APC: variants seen among roughly 807,000 people sequenced by gnomAD.
The protein encoded by APC is adenomatous polyposis coli protein.
APC carries 72 observed loss-of-function variants against 247.0 expected under a neutral mutation model. The observed-to-expected ratio is 0.29, with a 90% CI of 0.24 to 0.35. The LOEUF is 0.35. APC is among the 10% of genes least tolerant of loss of function. APC has a pLI of 1.00. For missense variants in APC, 3,400 were observed against 3,360.7 expected (o/e 1.01, Z -0.29); for synonymous variants, 1,254 against 1,162.5 (o/e 1.08, Z -1.60).
intron 3 of APC, among the ~76,000 whole-genome samples, chr5:112,766,658 T>C (rs957886146): frequency 3.3e-5 from 5 of 152,206 alleles, no homozygotes; most frequent in African/African-American, 1.2e-4. Flanking sequence ...TAAATAATTT[T>C]CGGCTCTTTG....
chr5:112,837,875 G>C lies in APC; in HGVS notation c.2281G>C (p.Glu761Gln), dbSNP rs1580620124. Reference protein sequence around the residue: ...SLHVRKQKALEAELDAQHLSE... With the variant: ...SLHVRKQKALQAELDAQHLSE... ...TCATGTTAGGAAACAAAAAGCCCTA[G>C]AAGCAGAATTAGATGCTCAGCACTT... The change falls in exon 16 of 16, where the codon GAA (glutamate) becomes CAA (glutamine). Residue 761 changes from glutamate (E) to glutamine (Q), a missense_variant. Physicochemically the swap from Glu to Gln is conservative, Grantham distance 29 (BLOSUM62 2). This residue lies in a region of APC where 91 missense variants were observed against 103.3 expected (regional missense o/e 0.88). Transcript: ENST00000257430. The C allele has an allele frequency of 6.2e-7, 1 of 1,614,050 alleles. No individual in the cohort carries two copies. The highest frequency in any genetic ancestry group is 8.5e-7 in the Non-Finnish European group (1 of 1,180,030).
At chr5:112,756,578 C>T (rs1755012326) in intron 2 of APC, among the ~76,000 whole-genome samples, 1 of 152,166 alleles carries the variant, frequency 6.6e-6, no homozygotes, top group Admixed American at 6.6e-5. Flanking sequence ...GAGAACTCCT[C>T]CTGGCAGGCC....
At chr5:112,710,595 T>C (rs1488608044) in intron 1 of APC, among the ~76,000 whole-genome samples, 1 of 152,228 alleles carries the variant, frequency 6.6e-6, no homozygotes, top group Non-Finnish European at 1.5e-5. Context: ...TAAGTGTGTG[T>C]GCTGTTCAAC....
chr5:112,815,757 A>G (rs1762447497), intron 9 of APC, among the ~76,000 whole-genome samples, 164 bp downstream of exon 9: 1 of 152,112 alleles, frequency 6.6e-6, no homozygotes, highest in Non-Finnish European at 1.5e-5. Context: ...GCAACGTGGC[A>G]AAACCCCATC....
chr5:112,790,210 A>T (rs950679534), intron 6 of APC, among the ~76,000 whole-genome samples: 1 of 151,786 alleles, frequency 6.6e-6, no homozygotes, highest in African/African-American at 2.4e-5. Context: ...CATGATAGAG[A>T]CTCAGCTTAG....
At position 112,827,190 on chromosome 5, in the gene APC, A is replaced by G. The variant is rs201992951; in HGVS notation, c.1491A>G (p.Leu497=). The change falls in exon 12 of 16, where the codon CTA becomes CTG. Residue 497 remains leucine, a synonymous_variant. Coordinates refer to ENST00000257430, the MANE Select transcript of APC (RefSeq NM_000038.6). ...CTAATGACCACTACAGTATTACACT[A>G]AGACGATATGCTGGAATGGCTTTGA... ...GLTNDHYSIT[L]RRYAGMALTN... The G allele has an allele frequency of 1.9e-6, 3 of 1,613,950 alleles. No homozygotes were observed. The highest frequency in any genetic ancestry group is 3.3e-4 in the Middle Eastern group (2 of 6,058).
chr5:112,796,281 T>A (rs1760204750), intron 7 of APC, among the ~76,000 whole-genome samples: 1 of 152,138 alleles, frequency 6.6e-6, no homozygotes, highest in African/African-American at 2.4e-5. Flanking sequence ...GAACTAGCCA[T>A]TGAAGCAGGT....
chr5:112,831,112 A>C (rs953912781), intron 14 of APC, among the ~76,000 whole-genome samples: 9 of 151,362 alleles, frequency 5.9e-5, no homozygotes, highest in Non-Finnish European at 7.4e-5. Context: ...CTCTTCTATA[A>C]ATTTTTTTTT....
chr5:112,721,972 C>G (rs565042543), intron 1 of APC, among the ~76,000 whole-genome samples: 50 of 152,176 alleles, frequency 3.3e-4, no homozygotes, highest in Admixed American at 4.6e-4. Flanking sequence ...GCCATGCAGC[C>G]CTGGGGACAA....
In APC at chr5:112,838,272, A is replaced by T. The variant is rs1554084370; in HGVS notation, c.2678A>T (p.Glu893Val). 1 of 1,614,232 alleles carries T rather than the reference A, an allele frequency of 6.2e-7. No individual in the cohort carries two copies. The highest frequency in any genetic ancestry group is 8.5e-7 in the Non-Finnish European group (1 of 1,180,042). Residue 893 changes from glutamate (E) to valine (V), a missense_variant, in exon 16 of 16, where the codon GAA becomes GTA. Physicochemically the swap from Glu to Val is moderately radical, Grantham distance 121. This residue lies in a region of APC where 715 missense variants were observed against 656.6 expected (regional missense o/e 1.09). Transcript: ENST00000257430. ...TAAQIAKVME[E>V]VSAIHTSQED... is the part of the protein sequence containing the mutation. ...GCCCAGATTGCCAAAGTCATGGAAG[A>T]AGTGTCAGCCATTCATACCTCTCAG...
Position 112,844,760 on chromosome 5 carries a change from C to T in APC, c.*634C>T, listed in dbSNP as rs75495374. ...GTAATAATTTACACTATTTTGTGCT[C>T]CAAACAAAACAAAAATCTGTGTAAC... On this transcript the variant is annotated 3_prime_UTR_variant, in exon 16 of 16. Coordinates refer to ENST00000257430, the MANE Select transcript of APC (RefSeq NM_000038.6). 7.8e-5 allele frequency: 18 copies of T among 231,630 alleles called. No homozygotes were observed. The highest frequency in any genetic ancestry group is 4.0e-4 in the African/African-American group (18 of 45,244). 14.3% of individuals were successfully genotyped at this position (231,630 alleles called of 1,614,324 possible).
At chr5:112,762,431 GC>G (rs1239272970) in intron 2 of APC, among the ~76,000 whole-genome samples, 1 of 152,184 alleles carries the variant, frequency 6.6e-6, no homozygotes, top group African/African-American at 2.4e-5. Flanking sequence ...ACTGGTAACA[GC>G]CCAGATGCCC....
chr5:112,720,080 G>A (rs1439254813), intron 1 of APC, among the ~76,000 whole-genome samples: 1 of 152,136 alleles, frequency 6.6e-6, no homozygotes, highest in African/African-American at 2.4e-5. Flanking sequence ...AGCTATGGTA[G>A]TCTACATAAA....
At chr5:112,793,745 A>G (rs1196075239) in intron 7 of APC, among the ~76,000 whole-genome samples, 1 of 152,156 alleles carries the variant, frequency 6.6e-6, no homozygotes, top group Non-Finnish European at 1.5e-5. Flanking sequence ...ATAAATCAAA[A>G]TTTCTCAGAA....
intron 8 of APC, among the ~76,000 whole-genome samples, chr5:112,804,571 G>A (rs1420844058): frequency 1.3e-5 from 2 of 152,078 alleles, no homozygotes; most frequent in African/African-American, 4.8e-5. Context: ...GTAGATACAG[G>A]GTCTCATTGT....
chr5:112,791,610 A>C (rs1759602547), intron 6 of APC, among the ~76,000 whole-genome samples: 1 of 152,174 alleles, frequency 6.6e-6, no homozygotes, highest in Admixed American at 6.5e-5. Flanking sequence ...CCCCTGCCCC[A>C]GTCAGTAGAC....
In APC at chr5:112,823,854, G is replaced by A. The variant is rs539043572; in HGVS notation, c.1408+1863G>A. ...TCACCCAGAGGCACTCGTCAAACTG[G>A]ATTTTCTGGCACTGTAGCAAACAGA... On this transcript the variant is annotated intron_variant, in intron 11 of 15. Coordinates refer to ENST00000257430, the MANE Select transcript of APC (RefSeq NM_000038.6). 1.7e-3 allele frequency among the ~76,000 whole-genome samples: 261 copies of A among 152,224 alleles called. 1 individual carries two copies. Among genetic ancestry groups the A allele is most frequent in the Middle Eastern group, 3.4e-3 (1 of 294 alleles).
Position 112,766,624 on chromosome 5 carries a change from A to T in APC, c.220+214A>T, listed in dbSNP as rs540451444. Among the ~76,000 whole-genome samples, 144 of 152,298 alleles carry T rather than the reference A, an allele frequency of 9.5e-4. 1 individual carries two copies. Among genetic ancestry groups the T allele is most frequent in the African/African-American group, 3.4e-3 (143 of 41,572 alleles). On this transcript the variant is annotated intron_variant, in intron 3 of 15. Transcript: ENST00000257430. Reference sequence around the variant, plus strand: ...CAGTTAAACATTTAACTGGCTTTGAATGAACTATTTTAAATCCCTCCCTTA... The same window carrying T: ...CAGTTAAACATTTAACTGGCTTTGATTGAACTATTTTAAATCCCTCCCTTA...
intron 6 of APC, among the ~76,000 whole-genome samples, chr5:112,782,989 CA>C (rs1372232351): frequency 6.6e-6 from 1 of 151,810 alleles, no homozygotes; most frequent in Admixed American, 6.6e-5. Context: ...TTATTTGTTT[CA>C]AAAAAACAAG....
Sources: gnomAD v4.1 joint callset for allele counts (sites outside exome capture counted in the v4.1 genomes callset) on GRCh38, gnomAD v4.1.1 for gene constraint, gnomAD v4.1.1 regional missense constraint, MANE v1.5 for transcripts, NCBI Gene and HGNC (gene_info 2026-07-23, HGNC 2026-07-21) for gene names.